MED12L: variants seen among roughly 807,000 people sequenced by gnomAD.
The protein encoded by MED12L is mediator of RNA polymerase II transcription subunit 12-like protein.
MED12L carries 60 observed loss-of-function variants against 281.3 expected under a neutral mutation model. The observed-to-expected ratio is 0.21, with a 90% CI of 0.17 to 0.26. The LOEUF is 0.26. Among genes scored for constraint, MED12L ranks in the 10% least tolerant of loss-of-function variants. The pLI, the probability that MED12L is intolerant of heterozygous loss-of-function variation, is 1.00. For synonymous variants in MED12L, 974 were observed against 987.2 expected (o/e 0.99, Z 0.25); for missense variants, 2,146 against 2,680.9 (o/e 0.80, Z 4.41).
At chr3:151,196,499 G>A (rs1255743678) in intron 16 of MED12L, among the ~76,000 whole-genome samples, 1 of 152,172 alleles carries the variant, frequency 6.6e-6, no homozygotes, top group Non-Finnish European at 1.5e-5. Context: ...GAAGACCAAA[G>A]AGAAGAGGAC....
intron 2 of MED12L, among the ~76,000 whole-genome samples, chr3:151,096,798 GTGCCCTGATTTGTTCTTGCAACTT>G (rs1261671334): frequency 1.3e-5 from 2 of 152,228 alleles, no homozygotes; most frequent in Non-Finnish European, 2.9e-5. Context: ...AAGCACTTGT[GTGCCCTGATTTGTTCTTGCAACTT>G]TACTTGGCCT....
chr3:151,090,563 T>G (rs964569805), intron 2 of MED12L, among the ~76,000 whole-genome samples: 1 of 152,130 alleles, frequency 6.6e-6, no homozygotes, highest in African/African-American at 2.4e-5. Context: ...TATTGGAACA[T>G]GAATAAACTT....
chr3:151,297,535 AATTACTTATGAATTGCT>A (rs1745268011), intron 16 of MED12L, among the ~76,000 whole-genome samples: 1 of 152,178 alleles, frequency 6.6e-6, no homozygotes, highest in Non-Finnish European at 1.5e-5. Flanking sequence ...GCCTTGTAAC[AATTACTTATGAATTGCT>A]TTTCAAAATC....
rs55836268 is a variant in MED12L, at chr3:151,089,529, A to G, written c.99+2504A>G. Among the ~76,000 whole-genome samples the G allele has an allele frequency of 2.1e-3, 316 of 152,200 alleles. 2 individuals are homozygous for G. The highest frequency in any genetic ancestry group is 5.3e-3 in the Admixed American group (81 of 15,284). On this transcript the variant is annotated intron_variant, in intron 2 of 44. Coordinates refer to ENST00000687756, the MANE Select transcript of MED12L (RefSeq NM_001393769.1). The stretch of plus-strand genomic sequence containing the variant: ...AATTTCAAACCAACATTTGTGTGAG[A>G]AAAGCCCTCCTCCTGGTAGAAGTTA...
At chr3:151,367,806 T>C (rs1206737306) in intron 24 of MED12L, 40 bp downstream of exon 24, 2 of 1,574,454 alleles carry the variant, frequency 1.3e-6, no homozygotes, top group South Asian at 2.3e-5. Flanking sequence ...TCTTTGATTG[T>C]TGTCTTGATG....
chr3:151,138,468 T>G (rs142697019), intron 5 of MED12L, among the ~76,000 whole-genome samples: 51 of 152,312 alleles, frequency 3.3e-4, no homozygotes, highest in African/African-American at 1.0e-3. Context: ...TAAAAGTCAG[T>G]CCATACTTTG....
At chr3:151,128,900 G>A (rs377024563) in intron 5 of MED12L, among the ~76,000 whole-genome samples, 4 of 152,326 alleles carry the variant, frequency 2.6e-5, no homozygotes, top group African/African-American at 9.6e-5. Context: ...AGTCCCCAGT[G>A]TCCAGAGTTA....
intron 8 of MED12L, among the ~76,000 whole-genome samples, chr3:151,163,593 A>G (rs1720285462): frequency 6.6e-6 from 1 of 152,046 alleles, no homozygotes; most frequent in East Asian, 1.9e-4. Context: ...GGTTTAAGTG[A>G]CGATTTTTAA....
At chr3:151,234,759 G>A (rs1732386852) in intron 16 of MED12L, among the ~76,000 whole-genome samples, 1 of 152,146 alleles carries the variant, frequency 6.6e-6, no homozygotes. Context: ...TCTAGTAAAT[G>A]GCTGGGAGAA....
chr3:151,242,706 C>T (rs191380317), intron 16 of MED12L, among the ~76,000 whole-genome samples: 12 of 152,288 alleles, frequency 7.9e-5, no homozygotes, highest in East Asian at 1.9e-4. Context: ...AAAAAGAGAG[C>T]GCCTCTCCTC....
chr3:151,350,184 G>A lies in MED12L; in HGVS notation c.2376G>A (p.Lys792=). 2 of 1,613,672 alleles carry A rather than the reference G, an allele frequency of 1.2e-6. No individual in the cohort carries two copies. The highest frequency in any genetic ancestry group is 8.5e-7 in the Non-Finnish European group (1 of 1,179,810). Residue 792 remains lysine (K), a synonymous_variant, in exon 17 of 45, where the codon AAG becomes AAA. Coordinates refer to ENST00000687756, the MANE Select transcript of MED12L (RefSeq NM_001393769.1). ...ITKDILKILN[K]KSTTETGVGD... The stretch of plus-strand genomic sequence containing the variant: ...AAGATATCCTGAAAATTCTAAATAA[G>A]AAGAGCACCACAGAGACAGGGGGTA...
intron 16 of MED12L, chr3:151,295,263 A>C: frequency 7.9e-7 from 1 of 1,260,562 alleles, no homozygotes; most frequent in Non-Finnish European, 1.1e-6. Context: ...GCATGCCCAC[A>C]GGCTACTAGG....
rs189664845 is a variant in MED12L, at chr3:151,302,199, C to T, written c.2251-47860C>T. 4.0e-3 allele frequency among the ~76,000 whole-genome samples: 602 copies of T among 152,242 alleles called. 4 individuals carry two copies. Among genetic ancestry groups the T allele is most frequent in the African/African-American group, 0.014 (579 of 41,538 alleles). On this transcript the variant is annotated intron_variant, in intron 16 of 44. Coordinates refer to ENST00000687756, the MANE Select transcript of MED12L (RefSeq NM_001393769.1). ...AGGCAAATCTGTAGAGGCAGAAAGT[C>T]GATTAGTGTCTGCTGGGGTTGGGGG...
chr3:151,251,378 G>T (rs1291216401), intron 16 of MED12L, among the ~76,000 whole-genome samples: 1 of 151,868 alleles, frequency 6.6e-6, no homozygotes, highest in Non-Finnish European at 1.5e-5. Context: ...TCCAAAGCCT[G>T]GTGATTTTTT....
chr3:151,135,364 T>C (rs534768874), intron 5 of MED12L, among the ~76,000 whole-genome samples: 15 of 152,332 alleles, frequency 9.8e-5, no homozygotes, highest in African/African-American at 3.1e-4. Flanking sequence ...TTAAAGTGTT[T>C]AGAACAGTGA....
At chr3:151,416,953 A>G (rs1011684124) in intron 43 of MED12L, among the ~76,000 whole-genome samples, 27 of 152,350 alleles carry the variant, frequency 1.8e-4, no homozygotes, top group African/African-American at 6.3e-4. Flanking sequence ...CATAGCCATC[A>G]AAGTTTTCTA....
At chr3:151,354,140 C>CAAAAAAAAAAA (rs63033360) in intron 17 of MED12L, among the ~76,000 whole-genome samples, 3 of 62,842 alleles carry the variant, frequency 4.8e-5, no homozygotes, top group African/African-American at 1.5e-4. Context: ...GACTCCGTCT[C>CAAAAAAAAAAA]AAAAAAAAAA....
intron 5 of MED12L, among the ~76,000 whole-genome samples, chr3:151,138,572 C>A (rs1375975568): frequency 6.6e-6 from 1 of 152,178 alleles, no homozygotes; most frequent in Non-Finnish European, 1.5e-5. Flanking sequence ...CCCTAGGCTT[C>A]TCTTGGCTGT....
chr3:151,315,016 G>A (rs1172816982), intron 16 of MED12L, among the ~76,000 whole-genome samples: 1 of 152,092 alleles, frequency 6.6e-6, no homozygotes, highest in Non-Finnish European at 1.5e-5. Context: ...CTGGAGACTG[G>A]GGGATGCTTC....
Sources: gnomAD v4.1 joint callset for allele counts (sites outside exome capture counted in the v4.1 genomes callset) on GRCh38, gnomAD v4.1.1 for gene constraint, MANE v1.5 for transcripts, NCBI Gene and HGNC (gene_info 2026-07-23, HGNC 2026-07-21) for gene names.